Variants in SNTG1 observed in about 807,000 individuals in gnomAD.
SNTG1 encodes the protein syntrophin gamma 1.
A neutral mutation model predicts 74.7 loss-of-function variants in SNTG1; 39 were observed. The observed-to-expected ratio is 0.52, with a 90% CI of 0.40 to 0.68. SNTG1 has a LOEUF of 0.68. SNTG1 is among the 30% of genes least tolerant of loss of function. SNTG1 has a pLI of 0.00. For missense variants in SNTG1, 685 were observed against 609.5 expected (o/e 1.12, Z -1.30); for synonymous variants, 254 against 217.1 (o/e 1.17, Z -1.49).
chr8:49,989,127 A>G (rs9657106), intron 1 of SNTG1, among the ~76,000 whole-genome samples: 117 of 152,104 alleles, frequency 7.7e-4, no homozygotes, highest in African/African-American at 2.6e-3. Context: ...TAAAAAATGT[A>G]AAGTAGAAGA....
At chr8:50,118,009 C>T (rs1050017215) in intron 1 of SNTG1, among the ~76,000 whole-genome samples, 1 of 152,112 alleles carries the variant, frequency 6.6e-6, no homozygotes, top group Non-Finnish European at 1.5e-5. Flanking sequence ...GAAGACTGAG[C>T]ACCCTCCTGT....
At chr8:50,501,382 A>C (rs367565705) in intron 8 of SNTG1, among the ~76,000 whole-genome samples, 33 of 136,530 alleles carry the variant, frequency 2.4e-4, no homozygotes, top group African/African-American at 8.9e-4. Flanking sequence ...CAGTGTTTAC[A>C]GTTGTACTTC....
chr8:50,555,836 C>CT (rs768577347), intron 12 of SNTG1, among the ~76,000 whole-genome samples: 1 of 151,952 alleles, frequency 6.6e-6, no homozygotes, highest in Non-Finnish European at 1.5e-5. Flanking sequence ...TGTATATAAA[C>CT]TTTTTAATGA....
chr8:50,358,050 A>T (rs527807039), intron 2 of SNTG1, among the ~76,000 whole-genome samples: 7 of 152,020 alleles, frequency 4.6e-5, no homozygotes, highest in Admixed American at 1.3e-4. Flanking sequence ...CTTTCCAGCC[A>T]CTCTGACATA....
chr8:50,301,100 T>C (rs1211151424), intron 2 of SNTG1, among the ~76,000 whole-genome samples: 1 of 152,142 alleles, frequency 6.6e-6, no homozygotes, highest in Non-Finnish European at 1.5e-5. Flanking sequence ...TACCTAGATG[T>C]ACAGGATAAT....
chr8:50,136,672 T>G (rs930875914), intron 1 of SNTG1, among the ~76,000 whole-genome samples: 1 of 152,134 alleles, frequency 6.6e-6, no homozygotes, highest in Non-Finnish European at 1.5e-5. Flanking sequence ...CCAGCCTTCC[T>G]GAAGCATCAA....
intron 1 of SNTG1, among the ~76,000 whole-genome samples, chr8:49,982,988 T>C (rs530955036): frequency 6.6e-6 from 1 of 152,198 alleles, no homozygotes; most frequent in Non-Finnish European, 1.5e-5. Flanking sequence ...TAATACAGTT[T>C]TTCAAAGGCT....
intron 2 of SNTG1, among the ~76,000 whole-genome samples, chr8:50,257,462 A>C (rs2130018251): frequency 1.3e-5 from 2 of 152,306 alleles, no homozygotes; most frequent in South Asian, 4.1e-4. Context: ...AAAGAGCCTC[A>C]CAGCTCTCCC....
intron 1 of SNTG1, among the ~76,000 whole-genome samples, chr8:50,120,796 C>A (rs1586363913): frequency 2.1e-5 from 3 of 142,284 alleles, no homozygotes; most frequent in South Asian, 5.2e-4. Flanking sequence ...TTCACTTAAT[C>A]AAAAATTATG....
At position 50,563,876 on chromosome 8, in the gene SNTG1, C is replaced by T. The variant is rs310563; in HGVS notation, c.810+10697C>T. Among the ~76,000 whole-genome samples the T allele has an allele frequency of 3.3e-5, 5 of 152,220 alleles. No homozygotes were observed. In the South Asian group the frequency reaches 1.0e-3, roughly 32 times the overall value. ...AAAGATTCTTTCAGACAGCTCTCTC[C>T]TGGAAATCTTTCAATGACATAGAAA... On this transcript the variant is annotated intron_variant, in intron 12 of 18. Transcript: ENST00000642720.
chr8:50,103,282 A>T (rs1303763283), intron 1 of SNTG1, among the ~76,000 whole-genome samples: 2 of 152,042 alleles, frequency 1.3e-5, no homozygotes, highest in African/African-American at 4.8e-5. Flanking sequence ...TCACGTCCTT[A>T]GTAAGTTGGA....
intron 1 of SNTG1, among the ~76,000 whole-genome samples, chr8:49,920,785 G>A (rs1436988463): frequency 1.3e-5 from 2 of 152,066 alleles, no homozygotes; most frequent in Non-Finnish European, 2.9e-5. Flanking sequence ...TTCTATTGCA[G>A]AATTCAGACT....
intron 2 of SNTG1, among the ~76,000 whole-genome samples, chr8:50,381,640 TTA>T (rs199655421): frequency 0.018 from 1,728 of 96,648 alleles, 105 homozygotes; most frequent in African/African-American, 0.056. Flanking sequence ...ATCCTATTAG[TTA>T]TATATATATA....
intron 1 of SNTG1, among the ~76,000 whole-genome samples, chr8:50,034,886 T>A (rs1818016960): frequency 6.6e-6 from 1 of 152,302 alleles, no homozygotes; most frequent in Admixed American, 6.5e-5. Context: ...GCAGTATTTG[T>A]TAGTCCTGGA....
intron 1 of SNTG1, among the ~76,000 whole-genome samples, chr8:50,115,587 A>AAAAAAAAAAACAAAAAAAAAAC (rs397747843): frequency 2.0e-5 from 3 of 147,974 alleles, no homozygotes; most frequent in Admixed American, 6.8e-5. Flanking sequence ...AAAAAAAAAA[A>AAAAAAAAAAACAAAAAAAAAAC]CGAGATGGTT....
At chr8:50,133,582 C>T (rs1038633957) in intron 1 of SNTG1, among the ~76,000 whole-genome samples, 2 of 152,100 alleles carry the variant, frequency 1.3e-5, no homozygotes, top group African/African-American at 4.8e-5. Context: ...TAGCCATGCC[C>T]CCTCTGACAT....
intron 2 of SNTG1, among the ~76,000 whole-genome samples, chr8:50,392,153 C>T (rs957634957): frequency 3.3e-5 from 5 of 152,082 alleles, no homozygotes; most frequent in African/African-American, 1.2e-4. Context: ...TAACTGTAAT[C>T]AATGTGACAT....
chr8:50,116,884 C>T (rs1374444602), intron 1 of SNTG1, among the ~76,000 whole-genome samples: 1 of 152,062 alleles, frequency 6.6e-6, no homozygotes, highest in African/African-American at 2.4e-5. Context: ...AGCAGAATGA[C>T]CTTCAGAACT....
At chr8:50,229,605 G>A in intron 2 of SNTG1, among the ~76,000 whole-genome samples, 1 of 151,394 alleles carries the variant, frequency 6.6e-6, no homozygotes. Context: ...CTTGATAGTT[G>A]TTAAAGATAA....
Sources: gnomAD v4.1 joint callset for allele counts (sites outside exome capture counted in the v4.1 genomes callset) on GRCh38, gnomAD v4.1.1 for gene constraint, MANE v1.5 for transcripts, NCBI Gene and HGNC (gene_info 2026-07-23, HGNC 2026-07-21) for gene names.